ABCA4: variants seen among roughly 807,000 people sequenced by gnomAD.
ABCA4 encodes the protein ATP binding cassette subfamily A member 4.
In ABCA4, 196 loss-of-function variants were observed where a neutral mutation model predicts 263.7. That is an observed-to-expected ratio of 0.74 (90% CI 0.66 to 0.84). ABCA4 has a LOEUF of 0.84. Ranked by LOEUF, ABCA4 falls within the 40% of genes least tolerant of loss-of-function variation. The pLI is 0.00. For synonymous variants in ABCA4, 1,133 were observed against 1,094.2 expected (o/e 1.04, Z -0.70); for missense variants, 2,792 against 2,855.1 (o/e 0.98, Z 0.50).
At chr1:93,995,326 T>A (rs1437640738) in intron 49 of ABCA4, among the ~76,000 whole-genome samples, 3 of 152,262 alleles carry the variant, frequency 2.0e-5, no homozygotes, top group Non-Finnish European at 4.4e-5. Flanking sequence ...GGTTTTTGCA[T>A]ATCCTTGCTT....
At chr1:94,117,740 T>C (rs4847282) in intron 1 of ABCA4, among the ~76,000 whole-genome samples, 150,910 of 152,194 alleles carry the variant, frequency 0.99, 74,839 homozygotes, top group Middle Eastern at 1. Flanking sequence ...TCACCTCCCA[T>C]CCGTGTTTCC....
At chr1:93,999,714 GA>G (rs1557758447) in intron 47 of ABCA4, among the ~76,000 whole-genome samples, 1 of 152,176 alleles carries the variant, frequency 6.6e-6, no homozygotes, top group Non-Finnish European at 1.5e-5. Flanking sequence ...ATGCAGAGGA[GA>G]AAGGCTGTTT....
At position 94,021,221 on chromosome 1, in the gene ABCA4, T is replaced by C. The variant is rs1221909256; in HGVS notation, c.5018+19A>G. The stretch of plus-strand genomic sequence containing the variant: ...GAAGGTGACAAGAAAGTGGTGAGGC[T>C]GGGGCTGTGGTGGCTTACACTGTAA... On this transcript the variant is annotated intron_variant, in intron 35 of 49. Transcript: ENST00000370225. The C allele has an allele frequency of 1.2e-6, 2 of 1,613,976 alleles. No individual in the cohort carries two copies. The highest frequency in any genetic ancestry group is 1.7e-6 in the Non-Finnish European group (2 of 1,180,012).
At chr1:93,999,595 G>A (rs1468279304) in intron 47 of ABCA4, among the ~76,000 whole-genome samples, 2 of 152,222 alleles carry the variant, frequency 1.3e-5, no homozygotes, top group Non-Finnish European at 2.9e-5. Context: ...ACCAGAGAGT[G>A]TGTGCACGGC....
At chr1:94,100,952 G>T (rs1662270244) in intron 5 of ABCA4, among the ~76,000 whole-genome samples, 1 of 152,232 alleles carries the variant, frequency 6.6e-6, no homozygotes, top group Non-Finnish European at 1.5e-5. Flanking sequence ...AGCCCACAAG[G>T]CAAAGCATCC....
intron 26 of ABCA4, among the ~76,000 whole-genome samples, chr1:94,032,401 C>T (rs1337343715): frequency 6.6e-6 from 1 of 152,206 alleles, no homozygotes; most frequent in Admixed American, 6.5e-5. Flanking sequence ...CTTTGGGAGG[C>T]TGAGGTGGAT....
chr1:94,011,245 C>A lies in ABCA4; in HGVS notation c.5584+17G>T, dbSNP rs1388619833. ...GGACCCAGGGCCCATGCTCCATGGG[C>A]CTCGGCTACCACCCACCAAACCGGG... On this transcript the variant is annotated intron_variant, in intron 39 of 49. Coordinates refer to ENST00000370225, the MANE Select transcript of ABCA4 (RefSeq NM_000350.3). The A allele has an allele frequency of 6.2e-7, 1 of 1,613,988 alleles. No individual in the cohort carries two copies.
intron 49 of ABCA4, among the ~76,000 whole-genome samples, chr1:93,995,660 T>TGACACTGAAATGATGTGCCA (rs1220168582): frequency 2.0e-5 from 3 of 152,362 alleles, no homozygotes; most frequent in Admixed American, 2.0e-4. Context: ...CAAATGTGTC[T>TGACACTGAAATGATGTGCCA]GACACTGAAA....
At chr1:94,104,705 AG>A (rs1662379833) in intron 4 of ABCA4, among the ~76,000 whole-genome samples, 1 of 152,192 alleles carries the variant, frequency 6.6e-6, no homozygotes, top group Non-Finnish European at 1.5e-5. Flanking sequence ...CCCTTTGCAT[AG>A]GAAAGATCCA....
intron 6 of ABCA4, among the ~76,000 whole-genome samples, chr1:94,083,773 T>C (rs1476175947): frequency 6.6e-6 from 1 of 152,212 alleles, no homozygotes; most frequent in African/African-American, 2.4e-5. Context: ...AGAGTGCAGC[T>C]GGCAGAGACT....
chr1:93,997,801 C>A, intron 48 of ABCA4, 60 bp downstream of exon 48: 2 of 1,610,026 alleles, frequency 1.2e-6, no homozygotes, highest in Non-Finnish European at 1.7e-6. Context: ...CAATTCCAAC[C>A]CACACTGGGT....
intron 31 of ABCA4, among the ~76,000 whole-genome samples, 166 bp from the exon 32 acceptor site, chr1:94,023,584 C>T (rs765894364): frequency 3.9e-5 from 6 of 152,204 alleles, no homozygotes; most frequent in Non-Finnish European, 7.3e-5. Context: ...TGGGACATTG[C>T]CTGAATACAC....
intron 14 of ABCA4, among the ~76,000 whole-genome samples, chr1:94,057,081 C>A (rs1431371367): frequency 6.6e-6 from 1 of 152,136 alleles, no homozygotes; most frequent in African/African-American, 2.4e-5. Context: ...ATTCTGTGTT[C>A]CTACATCAGC....
At chr1:94,001,144 G>T in intron 45 of ABCA4, 39 bp from the exon 46 acceptor site, 1 of 1,543,842 alleles carries the variant, frequency 6.5e-7, no homozygotes, top group Non-Finnish European at 8.9e-7. Flanking sequence ...CAGGCTGGGA[G>T]CTGGCCCTTC....
chr1:94,080,014 A>G (rs1661647811), intron 8 of ABCA4, among the ~76,000 whole-genome samples: 1 of 151,294 alleles, frequency 6.6e-6, no homozygotes, highest in South Asian at 2.1e-4. Flanking sequence ...AAATAGTGAA[A>G]GGTGGGGAAG....
intron 1 of ABCA4, among the ~76,000 whole-genome samples, chr1:94,116,917 TTTTTC>T (rs762112717): frequency 6.6e-5 from 10 of 152,186 alleles, no homozygotes; most frequent in Admixed American, 2.0e-4. Flanking sequence ...TCTTTTTTTC[TTTTTC>T]TTTTCTTTTC....
At chr1:94,056,911 G>A in intron 14 of ABCA4, 89 bp from the exon 15 acceptor site, 4 of 1,061,108 alleles carry the variant, frequency 3.8e-6, no homozygotes, top group Non-Finnish European at 5.7e-6. Context: ...CCACCAGCCT[G>A]CAGTTAGTGT....
intron 23 of ABCA4, 81 bp from the exon 24 acceptor site, chr1:94,040,208 G>A (rs568446584): frequency 2.5e-5 from 29 of 1,142,872 alleles, no homozygotes; most frequent in African/African-American, 1.8e-4. Context: ...TGCTGTCACC[G>A]CCCGCTTTAT....
chr1:94,052,627 T>C (rs908748200), intron 16 of ABCA4, among the ~76,000 whole-genome samples: 23 of 152,370 alleles, frequency 1.5e-4, no homozygotes, highest in African/African-American at 5.5e-4. Flanking sequence ...TTTTCATCTA[T>C]TATATCTGTT....
Sources: allele counts gnomAD v4.1 joint callset (sites outside exome capture counted in the v4.1 genomes callset), GRCh38; gene constraint gnomAD v4.1.1; transcripts MANE v1.5; gene names NCBI Gene and HGNC (gene_info 2026-07-23, HGNC 2026-07-21).